Variants in TTC7A observed in about 807,000 individuals in gnomAD.
TTC7A encodes the protein tetratricopeptide repeat protein 7A.
A neutral mutation model predicts 103.7 loss-of-function variants in TTC7A; 110 were observed. The ratio of observed to expected loss-of-function variants is 1.06; its 90% CI spans 0.91 to 1.24. The LOEUF (loss-of-function observed/expected upper bound fraction) is 1.24, where lower values mean the gene tolerates loss of function less well. TTC7A is among the 50% of genes most tolerant of loss of function. The probability of loss-of-function intolerance (pLI) is 0.00; values close to 1 mark genes in which losing one functional copy is unlikely to be tolerated. For synonymous variants in TTC7A, 521 were observed against 467.9 expected (o/e 1.11, Z -1.47); for missense variants, 1,340 against 1,116.3 (o/e 1.20, Z -2.86).
chr2:47,006,336 A>T (rs1677378285), intron 9 of TTC7A, among the ~76,000 whole-genome samples: 2 of 152,248 alleles, frequency 1.3e-5, no homozygotes, highest in Admixed American at 1.3e-4. Context: ...TTTTTATTAC[A>T]TGTCTACGTT....
At chr2:47,071,397 G>A (rs1251284506) in intron 19 of TTC7A, among the ~76,000 whole-genome samples, 2 of 152,050 alleles carry the variant, frequency 1.3e-5, no homozygotes, top group African/African-American at 2.4e-5. Flanking sequence ...CCCTCTCCCA[G>A]CTTCTAGAGA....
intron 10 of TTC7A, among the ~76,000 whole-genome samples, chr2:47,008,784 G>T (rs987917544): frequency 2.6e-5 from 4 of 152,100 alleles, no homozygotes; most frequent in Non-Finnish European, 5.9e-5. Context: ...CAGAAGGTGA[G>T]TCTGGGTAGT....
At chr2:47,008,091 T>C (rs1572891240) in intron 10 of TTC7A, among the ~76,000 whole-genome samples, 1 of 151,770 alleles carries the variant, frequency 6.6e-6, no homozygotes, top group East Asian at 1.9e-4. Flanking sequence ...CGGGAGGAGG[T>C]GGGGCTGGAT....
chr2:47,049,896 C>A, intron 16 of TTC7A, 53 bp from the exon 17 acceptor site: 2 of 1,401,606 alleles, frequency 1.4e-6, no homozygotes, highest in African/African-American at 1.4e-5. Flanking sequence ...TCACTGGGCC[C>A]TGTGATGCTA....
chr2:46,944,386 T>TG (rs1670744489), intron 1 of TTC7A, among the ~76,000 whole-genome samples: 1 of 147,388 alleles, frequency 6.8e-6, no homozygotes, highest in African/African-American at 2.5e-5. Flanking sequence ...TTTTTTTTTT[T>TG]TTTTTTTTTT....
intron 8 of TTC7A, among the ~76,000 whole-genome samples, chr2:47,001,464 C>G (rs1020388836): frequency 5.3e-5 from 8 of 152,154 alleles, no homozygotes; most frequent in Non-Finnish European, 7.4e-5. Flanking sequence ...GGCTCAGTGT[C>G]CTCATCTGCA....
intron 2 of TTC7A, among the ~76,000 whole-genome samples, chr2:46,928,567 C>G (rs568721350): frequency 6.6e-6 from 1 of 150,928 alleles, no homozygotes; most frequent in Non-Finnish European, 1.5e-5. Context: ...CTCAGGAGTT[C>G]GAGACCAACC....
At position 47,074,122 on chromosome 2, in the gene TTC7A, A is replaced by C. The variant is rs1685022914; in HGVS notation, c.*199A>C. ...TGGATTTCTTTGTTGGTGCCTTGGG[A>C]AACAGTCTGACTTGAACCCTAAGTG... On this transcript the variant is annotated 3_prime_UTR_variant, in exon 20 of 20. Transcript: ENST00000319190. 6.7e-6 allele frequency: 4 copies of C among 596,408 alleles called. No individual in the cohort carries two copies. The highest frequency in any genetic ancestry group is 3.0e-5 in the Admixed American group (1 of 33,574). 36.9% of individuals were successfully genotyped at this position (596,408 alleles called of 1,614,324 possible). A position where few individuals can be genotyped will look rare whatever the true frequency, so the allele number is the denominator to read the frequency against.
chr2:47,025,726 G>T (rs993697098), intron 14 of TTC7A, among the ~76,000 whole-genome samples: 3 of 151,964 alleles, frequency 2.0e-5, no homozygotes, highest in African/African-American at 7.3e-5. Flanking sequence ...CACTGTCGTC[G>T]GTGGCTTCGC....
At chr2:47,058,857 C>T (rs1389218363) in intron 18 of TTC7A, among the ~76,000 whole-genome samples, 1 of 152,042 alleles carries the variant, frequency 6.6e-6, no homozygotes, top group Non-Finnish European at 1.5e-5. Context: ...TTTCCTACTC[C>T]TCTGGTTGCA....
rs114136486 is a variant in TTC7A at position 47,061,952 on chromosome 2, C to A, written c.2355+981C>A. 3.8e-3 allele frequency among the ~76,000 whole-genome samples: 573 copies of A among 152,256 alleles called. 2 individuals are homozygous for A. The highest frequency in any genetic ancestry group is 0.013 in the African/African-American group (536 of 41,546). On this transcript the variant is annotated intron_variant, in intron 19 of 19. Transcript: ENST00000319190. Reference sequence around the variant, plus strand: ...TCTGGGTTCCACCTTGGATGTCCCCCCTGTGAGAGAGTGTTAAGGAGAACA... The same window carrying A: ...TCTGGGTTCCACCTTGGATGTCCCCACTGTGAGAGAGTGTTAAGGAGAACA...
intron 2 of TTC7A, among the ~76,000 whole-genome samples, chr2:46,920,027 T>C (rs1669017413): frequency 6.6e-6 from 1 of 152,202 alleles, no homozygotes; most frequent in Admixed American, 6.5e-5. Flanking sequence ...TGAATTCAGA[T>C]ATACTATAAA....
In TTC7A at chr2:47,022,890, A is replaced by C. The variant is rs1351617718; in HGVS notation, c.1511-518A>C. ...CAACTGTCAATGCTTGGTCCTCGCC[A>C]GTGGGATTCTGATCAGGTTTGGGAG... On this transcript the variant is annotated intron_variant, in intron 12 of 19. Transcript: ENST00000319190. Among the ~76,000 whole-genome samples, 4 of 152,212 alleles carry C rather than the reference A, an allele frequency of 2.6e-5. No homozygotes were observed. In the East Asian group the frequency reaches 7.7e-4, roughly 29 times the overall value.
chr2:46,944,255 A>C (rs1410477754), intron 1 of TTC7A, among the ~76,000 whole-genome samples: 1 of 152,300 alleles, frequency 6.6e-6, no homozygotes, highest in South Asian at 2.1e-4. Context: ...CCTTGTATCC[A>C]TCAACCAACA....
intron 19 of TTC7A, among the ~76,000 whole-genome samples, chr2:47,072,625 T>G (rs1015381836): frequency 2.0e-5 from 3 of 152,026 alleles, no homozygotes; most frequent in Admixed American, 6.5e-5. Context: ...TCCAGGCACA[T>G]AGAAGGCAGC....
At chr2:46,934,507 C>G (rs1669867709) in intron 2 of TTC7A, among the ~76,000 whole-genome samples, 1 of 152,124 alleles carries the variant, frequency 6.6e-6, no homozygotes, top group South Asian at 2.1e-4. Context: ...CTCCTGACCT[C>G]AAGTGATCCA....
chr2:47,031,853 G>T (rs542042775), intron 15 of TTC7A, among the ~76,000 whole-genome samples: 1 of 152,348 alleles, frequency 6.6e-6, no homozygotes, highest in African/African-American at 2.4e-5. Context: ...TGCAGCCCAG[G>T]CTGTGTGAGG....
intron 1 of TTC7A, among the ~76,000 whole-genome samples, chr2:46,945,290 G>A (rs765671225): frequency 6.6e-6 from 1 of 151,926 alleles, no homozygotes; most frequent in Non-Finnish European, 1.5e-5. Flanking sequence ...GTCTTGCTCT[G>A]TTGCCAGGCT....
intron 18 of TTC7A, among the ~76,000 whole-genome samples, chr2:47,059,325 C>T (rs943198464): frequency 7.2e-5 from 11 of 152,022 alleles, no homozygotes; most frequent in African/African-American, 2.7e-4. Context: ...CAGCCACCTG[C>T]ATTTTTTAAG....
Sources: allele counts gnomAD v4.1 joint callset (sites outside exome capture counted in the v4.1 genomes callset), GRCh38; gene constraint gnomAD v4.1.1; transcripts MANE v1.5; gene names NCBI Gene and HGNC (gene_info 2026-07-23, HGNC 2026-07-21).